The following ATP10B variants were observed in gnomAD, a reference collection of about 807,000 sequenced individuals.
ATP10B encodes phospholipid-transporting ATPase VB.
In ATP10B, 122 loss-of-function variants were observed where a neutral mutation model predicts 141.2. That is an observed-to-expected ratio of 0.86 (90% CI 0.75 to 1.00). ATP10B has a LOEUF of 1.00. ATP10B is among the 50% of genes least tolerant of loss of function. The pLI is 0.00. For synonymous variants in ATP10B, 685 were observed against 692.0 expected (o/e 0.99, Z 0.16); for missense variants, 1,876 against 1,825.3 (o/e 1.03, Z -0.51).
intron 7 of ATP10B, among the ~76,000 whole-genome samples, chr5:160,659,210 A>G (rs912403009): frequency 1.3e-5 from 2 of 152,194 alleles, no homozygotes; most frequent in Non-Finnish European, 2.9e-5. Context: ...TCACGCCTGT[A>G]ATCCCAGCAG....
chr5:160,691,001 A>G (rs1229141902), intron 3 of ATP10B, among the ~76,000 whole-genome samples: 1 of 152,252 alleles, frequency 6.6e-6, no homozygotes, highest in Admixed American at 6.5e-5. Flanking sequence ...TGTGGCACAT[A>G]CATAGCATGG....
intron 24 of ATP10B, among the ~76,000 whole-genome samples, chr5:160,583,880 A>C (rs554856931): frequency 3.3e-5 from 5 of 152,246 alleles, no homozygotes; most frequent in Middle Eastern, 3.4e-3. Context: ...CCCCTCTCCC[A>C]ACCAAGCTGG....
intron 1 of ATP10B, among the ~76,000 whole-genome samples, chr5:160,788,479 G>T (rs528445716): frequency 6.6e-6 from 1 of 152,292 alleles, no homozygotes; most frequent in Non-Finnish European, 1.5e-5. Flanking sequence ...AAGTGGGGAA[G>T]AGCTAAATTG....
At position 160,728,416 on chromosome 5, in the gene ATP10B, C is replaced by T. The variant is rs1440213942; in HGVS notation, c.-330-11382G>A. On this transcript the variant is annotated intron_variant, in intron 2 of 25. Transcript: ENST00000327245. ...TCTAACTATACGTATGTGATAGAGCCCCAATACAAACTCTGGATACCATGG... is the reference window on the plus strand; with the variant it reads ...TCTAACTATACGTATGTGATAGAGCTCCAATACAAACTCTGGATACCATGG... Among the ~76,000 whole-genome samples the T allele has an allele frequency of 3.9e-5, 6 of 152,042 alleles. No individual in the cohort carries two copies. The South Asian group carries it at 1.0e-3, about 26-fold the overall frequency.
At chr5:160,686,041 C>A in intron 6 of ATP10B, 38 bp downstream of exon 6, 2 of 1,465,266 alleles carry the variant, frequency 1.4e-6, no homozygotes, top group East Asian at 2.3e-5. Flanking sequence ...TTTGCCTAAC[C>A]CATTTGCAAG....
At chr5:160,918,895 C>T in the ATP10B span, among the ~76,000 whole-genome samples, 1 of 152,098 alleles carries the variant, frequency 6.6e-6, no homozygotes, top group Non-Finnish European at 1.5e-5. Context: ...GTATAGGCAG[C>T]TACCAGCATT....
chr5:160,635,173 G>A (rs1759266633), intron 11 of ATP10B, among the ~76,000 whole-genome samples: 1 of 144,854 alleles, frequency 6.9e-6, no homozygotes, highest in African/African-American at 2.4e-5. Context: ...TGATGGCTGG[G>A]TGGGATGCTT....
At chr5:160,875,993 A>ATT in the ATP10B span, among the ~76,000 whole-genome samples, 1 of 60,380 alleles carries the variant, frequency 1.7e-5, no homozygotes. Context: ...GAAAGTCAAC[A>ATT]AGGATATCCA....
At chr5:160,590,961 A>G (rs1756247461) in intron 23 of ATP10B, 98 bp downstream of exon 23, 2 of 1,026,578 alleles carry the variant, frequency 1.9e-6, no homozygotes, top group African/African-American at 1.6e-5. Context: ...CCTCTGCTCT[A>G]AAGTGTCCAG....
chr5:160,767,031 G>A (rs567726218), intron 2 of ATP10B, among the ~76,000 whole-genome samples: 1 of 151,956 alleles, frequency 6.6e-6, no homozygotes, highest in South Asian at 2.1e-4. Flanking sequence ...CAAATCTTTT[G>A]GCTTCGCCGG....
At chr5:160,801,871 C>A (rs12716363) in intron 1 of ATP10B, among the ~76,000 whole-genome samples, 72,278 of 151,980 alleles carry the variant, frequency 0.48, 17,215 homozygotes, top group East Asian at 0.6. Flanking sequence ...GATTGGGAAG[C>A]TCTGGAGGTG....
intron 2 of ATP10B, among the ~76,000 whole-genome samples, chr5:160,760,627 G>A (rs1311023320): frequency 6.6e-6 from 1 of 152,188 alleles, no homozygotes; most frequent in African/African-American, 2.4e-5. Flanking sequence ...TGTTAAAAAT[G>A]TTAGAAAGCC....
chr5:160,785,860 G>T, intron 1 of ATP10B, 57 bp from the exon 2 acceptor site: 1 of 298,064 alleles, frequency 3.4e-6, no homozygotes, highest in Non-Finnish European at 6.1e-6. Flanking sequence ...TTTAGTATCA[G>T]CAATAATCAA....
chr5:160,701,391 A>C (rs1764660237), intron 3 of ATP10B, among the ~76,000 whole-genome samples: 1 of 152,174 alleles, frequency 6.6e-6, no homozygotes, highest in South Asian at 2.1e-4. Context: ...CTGACACACC[A>C]TCATTACCAG....
chr5:160,745,949 T>TTACTTAAAACTC (rs1254338563), intron 2 of ATP10B, among the ~76,000 whole-genome samples: 25 of 152,366 alleles, frequency 1.6e-4, no homozygotes, highest in African/African-American at 6.0e-4. Context: ...TTGGGAGATT[T>TTACTTAAAACTC]TACTTAAAAC....
At chr5:160,767,516 A>G (rs1769537812) in intron 2 of ATP10B, among the ~76,000 whole-genome samples, 1 of 152,138 alleles carries the variant, frequency 6.6e-6, no homozygotes, top group Non-Finnish European at 1.5e-5. Flanking sequence ...GTCTCTCTGA[A>G]TCCAAAGTCC....
Position 160,565,903 on chromosome 5 carries a change from G to A in ATP10B, c.3939-3C>T. ...CTTGCAGAGACAGGAAAAAGTATCT[G>A]GTGGGAAACAACAGAATAAAGATAT... On this transcript the variant is annotated splice_polypyrimidine_tract_variant and splice_region_variant and intron_variant, in intron 25 of 25. Transcript: ENST00000327245. The A allele has an allele frequency of 1.2e-6, 2 of 1,601,978 alleles. No individual in the cohort carries two copies. The highest frequency in any genetic ancestry group is 8.5e-7 in the Non-Finnish European group (1 of 1,175,700).
chr5:160,620,814 C>T lies in ATP10B; in HGVS notation c.1949G>A (p.Ser650Asn), dbSNP rs560883873. 5.0e-6 allele frequency: 8 copies of T among 1,614,186 alleles called. No homozygotes were observed. The highest frequency in any genetic ancestry group is 1.6e-4 in the Middle Eastern group (1 of 6,062). ...TAPSDTDLGESLGANVATTDS... is the reference protein window; with the variant it reads ...TAPSDTDLGENLGANVATTDS... ...TGTGGTGGCCACGTTGGCCCCTAAG[C>T]TCTCCCCGAGGTCTGTGTCAGAGGG... Residue 650 changes from serine (S) to asparagine (N), a missense_variant, in exon 15 of 26, where the codon AGC becomes AAC. Transcript: ENST00000327245.
At chr5:160,913,628 G>C in the ATP10B span, among the ~76,000 whole-genome samples, 1 of 151,992 alleles carries the variant, frequency 6.6e-6, no homozygotes, top group Admixed American at 6.6e-5. Flanking sequence ...TCCAACTCAA[G>C]GCCCCTAAGA....
Sources: gnomAD v4.1 joint callset for allele counts (sites outside exome capture counted in the v4.1 genomes callset) on GRCh38, gnomAD v4.1.1 for gene constraint, MANE v1.5 for transcripts, NCBI Gene and HGNC (gene_info 2026-07-23, HGNC 2026-07-21) for gene names.